The following PARD3 variants were observed in gnomAD, a reference collection of about 807,000 sequenced individuals.
The protein encoded by PARD3 is partitioning defective 3 homolog.
A neutral mutation model predicts 155.4 loss-of-function variants in PARD3; 75 were observed. The observed-to-expected ratio is 0.48, with a 90% CI of 0.40 to 0.58. The LOEUF (loss-of-function observed/expected upper bound fraction) is 0.58. Ranked by LOEUF, PARD3 falls within the 20% of genes least tolerant of loss-of-function variation. The pLI is 0.00. For synonymous variants in PARD3, 576 were observed against 610.5 expected (o/e 0.94, Z 0.83); for missense variants, 1,642 against 1,721.7 (o/e 0.95, Z 0.82).
chr10:34,559,406 G>C (rs1218809724), intron 2 of PARD3, among the ~76,000 whole-genome samples: 1 of 146,788 alleles, frequency 6.8e-6, no homozygotes, highest in Non-Finnish European at 1.5e-5. Flanking sequence ...ACAAACACTA[G>C]AGAAGTGATC....
At chr10:34,610,530 TC>T (rs1334885567) in intron 2 of PARD3, among the ~76,000 whole-genome samples, 2 of 152,052 alleles carry the variant, frequency 1.3e-5, no homozygotes, top group Admixed American at 6.5e-5. Flanking sequence ...CCTGAGTTAA[TC>T]AAAGAAGGAA....
At chr10:34,792,323 G>A (rs1841754519) in intron 1 of PARD3, among the ~76,000 whole-genome samples, 1 of 152,040 alleles carries the variant, frequency 6.6e-6, no homozygotes, top group African/African-American at 2.4e-5. Context: ...GGCCTCAAGC[G>A]ACGCGCCTGC....
intron 11 of PARD3, among the ~76,000 whole-genome samples, chr10:34,374,515 C>A (rs1841021677): frequency 6.6e-6 from 1 of 152,074 alleles, no homozygotes; most frequent in Admixed American, 6.6e-5. Context: ...TTGTCATATG[C>A]AGTGTGGAAG....
chr10:34,375,094 A>ACACACACT (rs1491175007), intron 10 of PARD3, 92 bp from the exon 11 acceptor site: 1 of 834,874 alleles, frequency 1.2e-6, no homozygotes, highest in African/African-American at 1.7e-5. Flanking sequence ...ACACACACAC[A>ACACACACT]CTCTAGGACT....
At chr10:34,466,877 C>T (rs1455882443) in intron 4 of PARD3, among the ~76,000 whole-genome samples, 2 of 152,014 alleles carry the variant, frequency 1.3e-5, no homozygotes, top group East Asian at 3.8e-4. Context: ...CAGCATAAAA[C>T]GCAGACAGCA....
At chr10:34,570,798 C>T (rs979768560) in intron 2 of PARD3, among the ~76,000 whole-genome samples, 1 of 152,178 alleles carries the variant, frequency 6.6e-6, no homozygotes, top group Non-Finnish European at 1.5e-5. Flanking sequence ...GCACTGTACA[C>T]TCAGGAGGGA....
At chr10:34,193,531 C>CA (rs1325595362) in intron 22 of PARD3, among the ~76,000 whole-genome samples, 2 of 152,162 alleles carry the variant, frequency 1.3e-5, no homozygotes, top group African/African-American at 4.8e-5. Context: ...GAAACATCCT[C>CA]AAGCAGATGA....
chr10:34,357,134 G>A (rs1838970255), intron 14 of PARD3, among the ~76,000 whole-genome samples: 1 of 152,136 alleles, frequency 6.6e-6, no homozygotes, highest in Non-Finnish European at 1.5e-5. Context: ...ACATTTTCAG[G>A]CAGGTACAGG....
At chr10:34,521,093 T>C (rs1038109507) in intron 2 of PARD3, among the ~76,000 whole-genome samples, 10 of 152,126 alleles carry the variant, frequency 6.6e-5, no homozygotes, top group Admixed American at 2.0e-4. Flanking sequence ...AAAATGGAGA[T>C]TGAAAATTAC....
At chr10:34,151,765 G>A (rs868205982) in intron 22 of PARD3, among the ~76,000 whole-genome samples, 8 of 152,160 alleles carry the variant, frequency 5.3e-5, no homozygotes, top group Non-Finnish European at 1.0e-4. Context: ...ATAATTGGAG[G>A]TTATGTTTCT....
At chr10:34,458,894 G>A (rs755114555) in intron 4 of PARD3, among the ~76,000 whole-genome samples, 54 of 152,136 alleles carry the variant, frequency 3.5e-4, no homozygotes, top group South Asian at 8.3e-4. Flanking sequence ...ACTATCAGCA[G>A]TGGGCAGGAA....
intron 22 of PARD3, among the ~76,000 whole-genome samples, chr10:34,216,623 G>A (rs1446261367): frequency 1.3e-5 from 2 of 152,340 alleles, no homozygotes; most frequent in East Asian, 1.9e-4. Flanking sequence ...CACAGAGTTT[G>A]CAATTTTGCT....
intron 1 of PARD3, among the ~76,000 whole-genome samples, chr10:34,707,528 A>G (rs1464497073): frequency 6.6e-6 from 1 of 152,172 alleles, no homozygotes; most frequent in African/African-American, 2.4e-5. Flanking sequence ...AGGTTTGAGA[A>G]CCAGTGATTC....
intron 2 of PARD3, among the ~76,000 whole-genome samples, chr10:34,666,777 T>TCAAAAAA (rs1554804561): frequency 0.021 from 354 of 16,958 alleles, 24 homozygotes; most frequent in South Asian, 0.034. Flanking sequence ...CCCCTCCCCC[T>TCAAAAAA]AAAAAAAAAA....
intron 5 of PARD3, among the ~76,000 whole-genome samples, chr10:34,428,251 G>A (rs1003864219): frequency 8.5e-5 from 13 of 152,180 alleles, no homozygotes; most frequent in Non-Finnish European, 5.9e-5. Flanking sequence ...ATGACTTATA[G>A]GATTCTTATG....
chr10:34,726,587 C>T (rs189110176), intron 1 of PARD3, among the ~76,000 whole-genome samples: 1 of 152,010 alleles, frequency 6.6e-6, no homozygotes, highest in East Asian at 1.9e-4. Flanking sequence ...TGTCTCAAAA[C>T]ACACACACAC....
chr10:34,777,426 T>C (rs1477350413), intron 1 of PARD3, among the ~76,000 whole-genome samples: 3 of 149,904 alleles, frequency 2.0e-5, no homozygotes, highest in African/African-American at 7.7e-5. Context: ...CCTACTCCAT[T>C]TCCACCTTTG....
intron 6 of PARD3, among the ~76,000 whole-genome samples, chr10:34,401,422 C>A (rs1843870658): frequency 6.6e-6 from 1 of 152,114 alleles, no homozygotes; most frequent in African/African-American, 2.4e-5. Context: ...CATGATCTAA[C>A]TAGTTTTTCA....
chr10:34,212,729 C>T (rs1300718572), intron 22 of PARD3, among the ~76,000 whole-genome samples: 1 of 152,058 alleles, frequency 6.6e-6, no homozygotes, highest in African/African-American at 2.4e-5. Context: ...CTTGAAAAGC[C>T]ATTAATAAAT....
Sources: allele counts gnomAD v4.1 joint callset (sites outside exome capture counted in the v4.1 genomes callset), GRCh38; gene constraint gnomAD v4.1.1; transcripts MANE v1.5; gene names NCBI Gene and HGNC (gene_info 2026-07-23, HGNC 2026-07-21).